Variants in PIGF observed in about 807,000 individuals in gnomAD.
PIGF encodes the protein GPI ethanolamine phosphate transferase, stabilizing subunit.
PIGF carries 23 observed loss-of-function variants against 26.0 expected under a neutral mutation model. The ratio of observed to expected loss-of-function variants is 0.88; its 90% CI spans 0.64 to 1.25. The LOEUF (loss-of-function observed/expected upper bound fraction) is 1.25, where lower values mean the gene tolerates loss of function less well. PIGF is among the 50% of genes most tolerant of loss of function. The pLI, the probability that PIGF is intolerant of heterozygous loss-of-function variation, is 0.00. For synonymous variants in PIGF, 93 were observed against 92.6 expected (o/e 1.00, Z -0.03); for missense variants, 278 against 249.9 (o/e 1.11, Z -0.76).
chr2:46,592,084 GCA>G (rs1248748857), intron 5 of PIGF, among the ~76,000 whole-genome samples: 1 of 152,100 alleles, frequency 6.6e-6, no homozygotes, highest in Non-Finnish European at 1.5e-5. Flanking sequence ...GGGCTCGGTG[GCA>G]CACACCTGTA....
At chr2:46,583,231 G>T (rs886951733) in intron 5 of PIGF, 1 of 152,076 alleles carries the variant, frequency 6.6e-6, no homozygotes, top group Non-Finnish European at 1.5e-5. Flanking sequence ...TCTAGAATTT[G>T]CCCTGCCCTA....
intron 5 of PIGF, among the ~76,000 whole-genome samples, chr2:46,584,259 A>C (rs1669496507): frequency 6.6e-6 from 1 of 152,130 alleles, no homozygotes; most frequent in African/African-American, 2.4e-5. Context: ...TTACCTTAGT[A>C]GTTTTTATTT....
chr2:46,603,793 T>C (rs1020903523), intron 4 of PIGF, among the ~76,000 whole-genome samples: 1 of 152,098 alleles, frequency 6.6e-6, no homozygotes, highest in African/African-American at 2.4e-5. Flanking sequence ...GGACACTGGA[T>C]TGGGCTAAGA....
chr2:46,614,027 A>C (rs2104147458), intron 2 of PIGF: 1 of 378,066 alleles, frequency 2.6e-6, no homozygotes, highest in East Asian at 5.5e-5. Context: ...GACCTACATG[A>C]GTCGAAAAGA....
At position 46,612,228 on chromosome 2, in the gene PIGF, C is replaced by G; in HGVS notation, c.437G>C (p.Gly146Ala). The change falls in exon 4 of 6, where the codon GGA becomes GCA. Residue 146 changes from glycine to alanine, a missense_variant and splice_region_variant. Gly to Ala is a moderately conservative substitution (Grantham distance 60). Coordinates refer to ENST00000281382, the MANE Select transcript of PIGF (RefSeq NM_002643.4). ...ATTATAATATAAAATTAAAACTTAC[C>G]CATTTCTACTGAACACTCTTAGCCA... is the stretch of plus-strand genomic sequence containing the variant. ...KAWLRVFSRNGVTSIWENSLQ... is the reference protein window; with the variant it reads ...KAWLRVFSRNAVTSIWENSLQ... 1.0e-6 allele frequency: 1 copy of G among 962,352 alleles called. No individual in the cohort carries two copies. The highest frequency in any genetic ancestry group is 3.8e-5 in the Admixed American group (1 of 26,084). 59.6% of individuals were successfully genotyped at this position (962,352 alleles called of 1,614,324 possible).
rs778047457 is a variant in PIGF, at chr2:46,581,023, G to T, written c.*455C>A. On this transcript the variant is annotated 3_prime_UTR_variant, in exon 6 of 6. Transcript: ENST00000281382. The stretch of plus-strand genomic sequence containing the variant: ...CTATCATAGCCATTTTAACTCCAAA[G>T]AAACACACTGTAAAAAAAAGAATAG... 7 of 1,589,562 alleles carry T rather than the reference G, an allele frequency of 4.4e-6. No homozygotes were observed. In the South Asian group the frequency reaches 8.0e-5, roughly 18 times the overall value.
chr2:46,606,901 A>G (rs1670240028), intron 4 of PIGF, among the ~76,000 whole-genome samples: 1 of 152,248 alleles, frequency 6.6e-6, no homozygotes, highest in Admixed American at 6.5e-5. Flanking sequence ...ATATATCCAT[A>G]CAATGGAATA....
At chr2:46,587,839 A>G (rs1309465486) in intron 5 of PIGF, among the ~76,000 whole-genome samples, 1 of 152,204 alleles carries the variant, frequency 6.6e-6, no homozygotes, top group Non-Finnish European at 1.5e-5. Flanking sequence ...CAATGTGGGG[A>G]AAGAAATGAA....
In PIGF at chr2:46,589,916, G is replaced by T. The variant is rs1669678663; in HGVS notation, c.546+2559C>A. ...TTCTTTAGTTTATTAGTAAATAACTGCTAAAAGGGCAAGGAGCAGATGAGT... is the reference window on the plus strand; with the variant it reads ...TTCTTTAGTTTATTAGTAAATAACTTCTAAAAGGGCAAGGAGCAGATGAGT... On this transcript the variant is annotated intron_variant, in intron 5 of 5. Transcript: ENST00000281382. This position sits in a 1 kb window ranked among gnomAD's most constrained non-coding sequence, Gnocchi z 4.7. Among the ~76,000 whole-genome samples, 1 of 151,976 alleles carries T rather than the reference G, an allele frequency of 6.6e-6. No individual in the cohort carries two copies. Among genetic ancestry groups the T allele is most frequent in the South Asian group, 2.1e-4 (1 of 4,824 alleles).
At chr2:46,602,317 T>C (rs886417762) in intron 4 of PIGF, among the ~76,000 whole-genome samples, 1 of 151,966 alleles carries the variant, frequency 6.6e-6, no homozygotes, top group Non-Finnish European at 1.5e-5. Flanking sequence ...TAGGATGTAG[T>C]TCCTATACAG....
chr2:46,586,661 C>G (rs1572767125), intron 5 of PIGF, among the ~76,000 whole-genome samples: 1 of 152,184 alleles, frequency 6.6e-6, no homozygotes, highest in African/African-American at 2.4e-5. Context: ...GTGCTTATCA[C>G]AAATTTGCAT....
At chr2:46,586,473 A>T (rs556939111) in intron 5 of PIGF, among the ~76,000 whole-genome samples, 2 of 152,232 alleles carry the variant, frequency 1.3e-5, no homozygotes, top group African/African-American at 4.8e-5. Context: ...TTTGGGGGAG[A>T]TTTACACTGT....
chr2:46,608,731 G>A (rs1235098040), intron 4 of PIGF, among the ~76,000 whole-genome samples: 6 of 152,098 alleles, frequency 3.9e-5, no homozygotes, highest in Non-Finnish European at 8.8e-5. Flanking sequence ...GAGCTCTTGG[G>A]TGACTAGGCA....
chr2:46,600,920 T>C (rs1296867805), intron 4 of PIGF, among the ~76,000 whole-genome samples: 2 of 151,846 alleles, frequency 1.3e-5, no homozygotes, highest in Non-Finnish European at 2.9e-5. Flanking sequence ...ATTATATATA[T>C]ATAATTAATA....
chr2:46,607,004 A>C (rs886239596), intron 4 of PIGF, among the ~76,000 whole-genome samples: 1 of 152,248 alleles, frequency 6.6e-6, no homozygotes, highest in Admixed American at 6.5e-5. Context: ...AGGCAGTCAC[A>C]AAAGATCACA....
chr2:46,598,500 A>C (rs1358061716), intron 4 of PIGF, among the ~76,000 whole-genome samples: 1 of 147,034 alleles, frequency 6.8e-6, no homozygotes, highest in Non-Finnish European at 1.5e-5. Flanking sequence ...CCCAACACAA[A>C]TTCATAAACT....
intron 1 of PIGF, 58 bp from the exon 2 acceptor site, chr2:46,615,243 A>T: frequency 1.4e-6 from 1 of 738,012 alleles, no homozygotes; most frequent in East Asian, 2.5e-5. Context: ...CATTGTCTTA[A>T]ATGTTTTGAC....
chr2:46,615,080 G>C lies in PIGF; in HGVS notation c.85C>G (p.Leu29Val). The C allele has an allele frequency of 6.3e-7, 1 of 1,589,062 alleles. No individual in the cohort carries two copies. The highest frequency in any genetic ancestry group is 8.6e-7 in the Non-Finnish European group (1 of 1,157,178). The change falls in exon 2 of 6, where the codon CTC becomes GTC. Residue 29 changes from leucine to valine, a missense_variant. Transcript: ENST00000281382. ...AATATTGAGAAGTTCTCCAAGAAGA[G>C]TGATGGAATGAAGACACTTAGGATA... ...SIILSVFIPS[L>V]FLENFSILET...
At chr2:46,587,160 A>G (rs866999022) in intron 5 of PIGF, among the ~76,000 whole-genome samples, 1 of 152,222 alleles carries the variant, frequency 6.6e-6, no homozygotes, top group Non-Finnish European at 1.5e-5. Context: ...TGAAACATAC[A>G]AACCATATTC....
Sources: allele counts gnomAD v4.1 joint callset (sites outside exome capture counted in the v4.1 genomes callset), GRCh38; gene constraint gnomAD v4.1.1; non-coding constraint Gnocchi (gnomAD v3.1); transcripts MANE v1.5; gene names NCBI Gene and HGNC (gene_info 2026-07-23, HGNC 2026-07-21).